USP34: variants seen among roughly 807,000 people sequenced by gnomAD.
USP34 encodes ubiquitin specific peptidase 34.
A neutral mutation model predicts 460.3 loss-of-function variants in USP34; 70 were observed. The ratio of observed to expected loss-of-function variants is 0.15; its 90% CI spans 0.13 to 0.19. USP34 has a LOEUF of 0.19. USP34 is among the 10% of genes least tolerant of loss of function. The probability of loss-of-function intolerance (pLI) is 1.00; values close to 1 mark genes in which losing one functional copy is unlikely to be tolerated. For synonymous variants in USP34, 1,647 were observed against 1,405.3 expected (o/e 1.17, Z -3.85); for missense variants, 3,985 against 4,236.2 (o/e 0.94, Z 1.65).
At chr2:61,460,554 A>C (rs1377321450) in intron 1 of USP34, among the ~76,000 whole-genome samples, 1 of 152,192 alleles carries the variant, frequency 6.6e-6, no homozygotes, top group Non-Finnish European at 1.5e-5. Flanking sequence ...GAAAAAAAAC[A>C]GTATATAGGG....
chr2:61,299,333 T>G (rs551915741), intron 29 of USP34, among the ~76,000 whole-genome samples: 1 of 152,280 alleles, frequency 6.6e-6, no homozygotes, highest in African/African-American at 2.4e-5. Flanking sequence ...AAATTGTGAT[T>G]CACTGCATAA....
rs763711140 is a variant in USP34, at chr2:61,447,254, CAAAAAAA to C, written c.43+23389_43+23395del. Among the ~76,000 whole-genome samples, 8 of 59,670 alleles carry C rather than the reference CAAAAAAA, an allele frequency of 1.3e-4. No individual in the cohort carries two copies. In the South Asian group the frequency reaches 2.9e-3, roughly 22 times the overall value. 39.1% of individuals were successfully genotyped at this position (59,670 alleles called of 152,430 possible). Reference sequence around the variant, plus strand: ...TGGGCAACAGAGTGAAACTGTCTTCCAAAAAAAAAAAAAAAAAAAAAAAAAAAACCAG... The same window carrying C: ...TGGGCAACAGAGTGAAACTGTCTTCCAAAAAAAAAAAAAAAAAAAAACCAG... On this transcript the variant is annotated intron_variant, in intron 1 of 79. Transcript: ENST00000398571.
At chr2:61,266,412 AATG>A (rs1689048328) in intron 41 of USP34, among the ~76,000 whole-genome samples, 1 of 152,146 alleles carries the variant, frequency 6.6e-6, no homozygotes, top group Non-Finnish European at 1.5e-5. Flanking sequence ...CTTCACGTAC[AATG>A]TTGTTATTTT....
rs183136711 is a variant in USP34 at position 61,275,002 on chromosome 2, C to T, written c.5433+3163G>A. Among the ~76,000 whole-genome samples, 5 of 152,228 alleles carry T rather than the reference C, an allele frequency of 3.3e-5. No individual in the cohort carries two copies. The East Asian group carries it at 9.6e-4, about 29-fold the overall frequency. Reference sequence around the variant, plus strand: ...AGATAAAATAATATTCTGGGCCAGGCATGGTGGCTCATGCCTGTAATCCTG... The same window carrying T: ...AGATAAAATAATATTCTGGGCCAGGTATGGTGGCTCATGCCTGTAATCCTG... On this transcript the variant is annotated intron_variant, in intron 41 of 79. Transcript: ENST00000398571.
At chr2:61,315,512 T>C (rs1690716052) in intron 23 of USP34, among the ~76,000 whole-genome samples, 1 of 152,078 alleles carries the variant, frequency 6.6e-6, no homozygotes, top group Admixed American at 6.6e-5. Context: ...TAGCTGGGAT[T>C]ACAGGCATGC....
chr2:61,439,345 G>A (rs1320985918), intron 1 of USP34, among the ~76,000 whole-genome samples: 1 of 152,108 alleles, frequency 6.6e-6, no homozygotes, highest in East Asian at 1.9e-4. Context: ...GAACACTCAG[G>A]TATGTGCACA....
intron 1 of USP34, among the ~76,000 whole-genome samples, chr2:61,452,939 T>C (rs1695328584): frequency 6.7e-6 from 1 of 149,452 alleles, no homozygotes. Flanking sequence ...ACCCACAACT[T>C]TGCAGGAACA....
intron 1 of USP34, among the ~76,000 whole-genome samples, chr2:61,458,374 A>C (rs1695497863): frequency 6.6e-6 from 1 of 151,884 alleles, no homozygotes; most frequent in African/African-American, 2.4e-5. Context: ...AAGCCTGGCC[A>C]ACATGGTGAA....
chr2:61,346,485 C>T (rs182972105), intron 15 of USP34: 1 of 136,724 alleles, frequency 7.3e-6, no homozygotes, highest in Non-Finnish European at 1.5e-5. Context: ...ATGATCACAT[C>T]ACTGCACTAC....
intron 1 of USP34, among the ~76,000 whole-genome samples, chr2:61,450,790 T>C (rs1208356491): frequency 2.0e-5 from 3 of 151,800 alleles, no homozygotes; most frequent in Admixed American, 2.0e-4. Context: ...GATACATTAT[T>C]TCCTTTCGGG....
chr2:61,351,880 T>C (rs969401846), intron 10 of USP34, among the ~76,000 whole-genome samples: 15 of 152,224 alleles, frequency 9.9e-5, no homozygotes, highest in Admixed American at 9.8e-4. Context: ...CAAACAGTAT[T>C]TGATTTTAAG....
At chr2:61,423,996 A>C (rs1174994836) in intron 1 of USP34, among the ~76,000 whole-genome samples, 11 of 152,232 alleles carry the variant, frequency 7.2e-5, no homozygotes, top group African/African-American at 2.4e-4. Context: ...AAATGTTCAC[A>C]AGTTATGTGG....
At chr2:61,465,261 C>T (rs1251707139) in intron 1 of USP34, among the ~76,000 whole-genome samples, 2 of 152,130 alleles carry the variant, frequency 1.3e-5, no homozygotes, top group African/African-American at 4.8e-5. Flanking sequence ...CAAACTTCAA[C>T]GGGTCCTCAA....
chr2:61,311,488 A>G (rs1328033043), intron 27 of USP34, 52 bp downstream of exon 27: 1 of 1,524,632 alleles, frequency 6.6e-7, no homozygotes, highest in Non-Finnish European at 8.8e-7. Flanking sequence ...GAGAAAGAGA[A>G]AAAGAAAGAA....
chr2:61,300,158 T>C (rs910819581), intron 29 of USP34, among the ~76,000 whole-genome samples: 1 of 152,194 alleles, frequency 6.6e-6, no homozygotes, highest in Non-Finnish European at 1.5e-5. Flanking sequence ...AAAACAAAAA[T>C]CAGAACATGT....
chr2:61,303,917 T>C (rs1690319165), intron 27 of USP34, among the ~76,000 whole-genome samples: 2 of 142,450 alleles, frequency 1.4e-5, no homozygotes, highest in African/African-American at 5.3e-5. Flanking sequence ...TTGTTTTGTT[T>C]TGAGGAGTCT....
intron 27 of USP34, among the ~76,000 whole-genome samples, chr2:61,304,808 T>A (rs1295896215): frequency 6.6e-6 from 1 of 152,240 alleles, no homozygotes; most frequent in African/African-American, 2.4e-5. Flanking sequence ...AACTGGATTT[T>A]ATAATACATT....
intron 1 of USP34, among the ~76,000 whole-genome samples, chr2:61,459,781 C>G (rs1246881053): frequency 6.7e-6 from 1 of 149,256 alleles, no homozygotes; most frequent in Non-Finnish European, 1.5e-5. Flanking sequence ...AAAAAAAGGC[C>G]AGGCACAGTG....
chr2:61,270,849 A>G (rs960065840), intron 41 of USP34, among the ~76,000 whole-genome samples: 11 of 152,188 alleles, frequency 7.2e-5, no homozygotes, highest in Non-Finnish European at 1.2e-4. Context: ...AGTTTCTCCT[A>G]TACTTCCTAA....
Sources: gnomAD v4.1 joint callset for allele counts (sites outside exome capture counted in the v4.1 genomes callset) on GRCh38, gnomAD v4.1.1 for gene constraint, MANE v1.5 for transcripts, NCBI Gene and HGNC (gene_info 2026-07-23, HGNC 2026-07-21) for gene names.